Variants in PIAS4 observed in about 807,000 individuals in gnomAD.
PIAS4 encodes E3 SUMO-protein ligase PIAS4.
A neutral mutation model predicts 58.0 loss-of-function variants in PIAS4; 7 were observed. The ratio of observed to expected loss-of-function variants is 0.12; its 90% confidence interval spans 0.07 to 0.23. The LOEUF is 0.23. Ranked by LOEUF, PIAS4 falls within the 10% of genes least tolerant of loss-of-function variation. The pLI is 1.00. For missense variants in PIAS4, 550 were observed against 709.5 expected (o/e 0.78, Z 2.55); for synonymous variants, 364 against 312.4 (o/e 1.17, Z -1.74).
intron 2 of PIAS4, among the ~76,000 whole-genome samples, chr19:4,016,459 C>T (rs2040054487): frequency 6.6e-6 from 1 of 152,236 alleles, no homozygotes; most frequent in Non-Finnish European, 1.5e-5. Flanking sequence ...GGCACCTGTG[C>T]CCTTCAGCCT....
rs367600720 is a variant in PIAS4, at chr19:4,033,560, C to T, written c.1122C>T (p.Tyr374=). ...MCPVCDKPAP[Y]DQLIIDGLLS... ...CCGTGTGCGACAAGCCAGCCCCCTA[C>T]GACCAGCTCATCATCGACGGGTGAG... Residue 374 remains tyrosine, a synonymous_variant, in exon 9 of 11, where the codon TAC becomes TAT. Transcript: ENST00000262971. 2.1e-5 allele frequency: 33 copies of T among 1,608,956 alleles called. No individual in the cohort carries two copies. The highest frequency in any genetic ancestry group is 6.7e-5 in the Admixed American group (4 of 59,604).
In PIAS4 at chr19:4,037,259, G is replaced by C. The variant is rs1046776485; in HGVS notation, c.1143-115G>C. The C allele has an allele frequency of 7.4e-6, 10 of 1,343,346 alleles. No individual in the cohort carries two copies. In the Admixed American group the frequency reaches 1.9e-4, roughly 26 times the overall value. 83.2% of individuals were successfully genotyped at this position (1,343,346 alleles called of 1,614,324 possible). A position where few individuals can be genotyped will look rare whatever the true frequency, so the allele number is the denominator to read the frequency against. ...CCCCTGCGGTCGGGGTGGTGAGGCT[G>C]CTCTTGCAGAGAGAAGTGGGGAGTG... On this transcript the variant is annotated intron_variant, in intron 9 of 10. Transcript: ENST00000262971. This position sits in a 1 kb window ranked among gnomAD's most constrained non-coding sequence, Gnocchi z 5.8.
chr19:4,022,140 C>T (rs1311906288), intron 2 of PIAS4, among the ~76,000 whole-genome samples: 6 of 152,192 alleles, frequency 3.9e-5, no homozygotes, highest in South Asian at 2.1e-4. Context: ...TTTTGGTACC[C>T]GTTTTGGTAA....
At position 4,037,735 on chromosome 19, in the gene PIAS4, G is replaced by T; in HGVS notation, c.1393G>T (p.Val465Leu). Residue 465 changes from valine to leucine, a missense_variant, in exon 11 of 11, where the codon GTG (valine) becomes TTG (leucine). By Grantham distance (32) the Val-to-Leu change is conservative. Around this residue, in one of 4 missense-constraint regions of PIAS4, gnomAD observed 188 missense variants for 192.0 expected, o/e 0.98. Transcript: ENST00000262971. This position sits in a 1 kb window ranked among gnomAD's most constrained non-coding sequence, Gnocchi z 5.8. ...GGAGAATGGGAAGCCGGGCGCCGAT[G>T]TGGTGGACCTCACGCTGGACAGCTC... ...SMENGKPGAD[V>L]VDLTLDSSSS... 1 of 1,611,202 alleles carries T rather than the reference G, an allele frequency of 6.2e-7. No individual in the cohort carries two copies. Among genetic ancestry groups the T allele is most frequent in the Non-Finnish European group, 8.5e-7 (1 of 1,179,270 alleles).
chr19:4,027,447 T>C (rs1244806479), intron 3 of PIAS4, among the ~76,000 whole-genome samples: 1 of 152,194 alleles, frequency 6.6e-6, no homozygotes, highest in African/African-American at 2.4e-5. Context: ...TGCTAGTTTG[T>C]GGCTGTTGTG....
chr19:4,008,894 A>C (rs1409317836), intron 1 of PIAS4, among the ~76,000 whole-genome samples: 1 of 152,062 alleles, frequency 6.6e-6, no homozygotes, highest in Non-Finnish European at 1.5e-5. Context: ...ACTGGGTCCA[A>C]GGCTGGCCTC....
In PIAS4 at chr19:4,037,038, C is replaced by G. The variant is rs1346908674; in HGVS notation, c.1143-336C>G. ...ACACACGCTCAAACATGCGTGCACACCCGGAGGTGCCCAGAGGGGCAGGGT... is the reference window on the plus strand; with the variant it reads ...ACACACGCTCAAACATGCGTGCACAGCCGGAGGTGCCCAGAGGGGCAGGGT... On this transcript the variant is annotated intron_variant, in intron 9 of 10. Transcript: ENST00000262971. The surrounding 1 kb of genome is among the most constrained non-coding windows in gnomAD (Gnocchi z 5.8). Among the ~76,000 whole-genome samples the G allele has an allele frequency of 1.3e-5, 2 of 152,256 alleles. No homozygotes were observed. Among genetic ancestry groups the G allele is most frequent in the Non-Finnish European group, 2.9e-5 (2 of 68,052 alleles).
intron 7 of PIAS4, among the ~76,000 whole-genome samples, chr19:4,029,765 T>C (rs1434382317): frequency 6.7e-6 from 1 of 148,554 alleles, no homozygotes; most frequent in Non-Finnish European, 1.5e-5. Context: ...TGCCTCAGCC[T>C]CCTGAGTAGC....
At chr19:4,009,412 A>T (rs951154681) in intron 1 of PIAS4, among the ~76,000 whole-genome samples, 1 of 152,080 alleles carries the variant, frequency 6.6e-6, no homozygotes, top group African/African-American at 2.4e-5. Flanking sequence ...AGTGTCCTGG[A>T]GTCCTGAAAT....
intron 7 of PIAS4, among the ~76,000 whole-genome samples, chr19:4,031,351 G>A (rs2040221063): frequency 6.6e-6 from 1 of 152,216 alleles, no homozygotes; most frequent in African/African-American, 2.4e-5. Flanking sequence ...GGACGTGGAG[G>A]GTGAGGGGTC....
chr19:4,031,209 C>T (rs904964167), intron 7 of PIAS4, among the ~76,000 whole-genome samples: 6 of 152,200 alleles, frequency 3.9e-5, no homozygotes, highest in Non-Finnish European at 7.4e-5. Context: ...CACCTCCTTG[C>T]CTGGGTGTCC....
At chr19:4,029,892 G>C (rs145316144) in intron 7 of PIAS4, among the ~76,000 whole-genome samples, 1 of 137,972 alleles carries the variant, frequency 7.2e-6, no homozygotes, top group East Asian at 2.2e-4. Context: ...GCACGATCTC[G>C]GCTCACTGAA....
chr19:4,019,195 A>C (rs1271807241), intron 2 of PIAS4, among the ~76,000 whole-genome samples: 1 of 152,208 alleles, frequency 6.6e-6, no homozygotes, highest in Non-Finnish European at 1.5e-5. Flanking sequence ...CCCCGAGGGC[A>C]GAAGGGCAGG....
chr19:4,029,088 C>T (rs1442064945), intron 7 of PIAS4, 52 bp downstream of exon 7: 1 of 1,354,918 alleles, frequency 7.4e-7, no homozygotes, highest in Non-Finnish European at 1.0e-6. Flanking sequence ...ACCCTGGAAA[C>T]CCGCCCTGTG....
chr19:4,025,869 C>G (rs557053391), intron 3 of PIAS4, among the ~76,000 whole-genome samples: 4 of 151,836 alleles, frequency 2.6e-5, no homozygotes, highest in African/African-American at 9.7e-5. Flanking sequence ...GTCAGAAGAT[C>G]GAGACCATCT....
intron 1 of PIAS4, among the ~76,000 whole-genome samples, 183 bp from the exon 2 acceptor site, chr19:4,012,740 G>T (rs183210255): frequency 5.5e-4 from 83 of 152,124 alleles, no homozygotes; most frequent in African/African-American, 1.8e-3. Context: ...GGAGGAGGGA[G>T]GGGGCAGGGC....
chr19:4,033,398 T>G, intron 8 of PIAS4, 22 bp from the exon 9 acceptor site: 1 of 1,542,918 alleles, frequency 6.5e-7, no homozygotes, highest in Non-Finnish European at 8.7e-7. Flanking sequence ...GGTGCCCTGC[T>G]CACGCAGCCC....
chr19:4,012,794 C>T, intron 1 of PIAS4, 129 bp from the exon 2 acceptor site: 2 of 1,045,336 alleles, frequency 1.9e-6, no homozygotes, highest in East Asian at 4.8e-5. Context: ...CTCCACCAGC[C>T]CCAGCCAAGG....
At chr19:4,017,970 C>T (rs2040068948) in intron 2 of PIAS4, among the ~76,000 whole-genome samples, 1 of 152,300 alleles carries the variant, frequency 6.6e-6, no homozygotes, top group East Asian at 1.9e-4. Context: ...CCACTGCGCC[C>T]AGTCTCATTT....
Sources: gnomAD v4.1 joint callset for allele counts (sites outside exome capture counted in the v4.1 genomes callset) on GRCh38, gnomAD v4.1.1 for gene constraint, gnomAD v4.1.1 regional missense constraint, Gnocchi (gnomAD v3.1) non-coding constraint, MANE v1.5 for transcripts, NCBI Gene and HGNC (gene_info 2026-07-23, HGNC 2026-07-21) for gene names.